Variants in EPM2A observed in about 807,000 individuals in gnomAD.
EPM2A encodes laforin.
Under a neutral mutation model 26.5 loss-of-function variants are expected in EPM2A, and 21 were observed. The ratio of observed to expected loss-of-function variants is 0.79; its 90% CI spans 0.56 to 1.14. The LOEUF (loss-of-function observed/expected upper bound fraction) is 1.14, where lower values mean the gene tolerates loss of function less well. EPM2A is among the 50% of genes most tolerant of loss of function. EPM2A has a pLI of 0.00. For missense variants in EPM2A, 458 were observed against 440.8 expected (o/e 1.04, Z -0.35); for synonymous variants, 217 against 177.6 (o/e 1.22, Z -1.76).
chr6:145,480,456 CA>C (rs1779600532), intron 4 of EPM2A, among the ~76,000 whole-genome samples: 2 of 152,080 alleles, frequency 1.3e-5, no homozygotes, highest in African/African-American at 2.4e-5. Context: ...GGTAGGAACA[CA>C]AACCCAAATC....
intron 4 of EPM2A, among the ~76,000 whole-genome samples, chr6:145,393,082 C>A (rs1405673975): frequency 6.6e-6 from 1 of 151,996 alleles, no homozygotes; most frequent in African/African-American, 2.4e-5. Flanking sequence ...TTTCAGGTCT[C>A]AATGAGACCT....
At chr6:145,414,970 C>T (rs994628598) in intron 4 of EPM2A, among the ~76,000 whole-genome samples, 1 of 152,056 alleles carries the variant, frequency 6.6e-6, no homozygotes, top group Non-Finnish European at 1.5e-5. Flanking sequence ...CTCACTTTTC[C>T]CCCCGTATCC....
chr6:145,628,177 A>C (rs1775969923), intron 3 of EPM2A: 1 of 182,040 alleles, frequency 5.5e-6, no homozygotes, highest in Admixed American at 5.4e-5. Flanking sequence ...CAATCTGTTC[A>C]TTCAACATAC....
chr6:145,570,910 CTG>C (rs1253608678), intron 2 of EPM2A, among the ~76,000 whole-genome samples: 2 of 152,194 alleles, frequency 1.3e-5, no homozygotes, highest in Admixed American at 1.3e-4. Flanking sequence ...CCAGCCAACA[CTG>C]TAACTCCCTT....
chr6:145,626,372 AT>A lies in EPM2A; in HGVS notation c.*1043del. Reference sequence around the variant, plus strand: ...GAAGCAATTATCCATGGATTTGGTCATTTGGGCTCTTTTGGTAGTATAGTTC... The same window carrying A: ...GAAGCAATTATCCATGGATTTGGTCATTGGGCTCTTTTGGTAGTATAGTTC... On this transcript the variant is annotated 3_prime_UTR_variant, in exon 4 of 4. Transcript: ENST00000367519. 1 of 986,026 alleles carries A rather than the reference AT, an allele frequency of 1.0e-6. No individual in the cohort carries two copies. Among genetic ancestry groups the A allele is most frequent in the Non-Finnish European group, 1.2e-6 (1 of 830,056 alleles). The allele number at this position is 986,026 out of a possible 1,614,324, so 61.1% of individuals were successfully genotyped here.
At chr6:145,580,176 A>G (rs976423275) in intron 2 of EPM2A, among the ~76,000 whole-genome samples, 1 of 152,168 alleles carries the variant, frequency 6.6e-6, no homozygotes, top group Non-Finnish European at 1.5e-5. Flanking sequence ...ATCTGGTATC[A>G]TTGACCTTCT....
At chr6:145,725,951 T>C (rs773043547) in intron 1 of EPM2A, among the ~76,000 whole-genome samples, 2 of 152,054 alleles carry the variant, frequency 1.3e-5, no homozygotes, top group Non-Finnish European at 2.9e-5. Flanking sequence ...TTTTGCCAGC[T>C]AAGAAGGCCT....
Position 145,644,447 on chromosome 6 carries a change from C to A in EPM2A, c.477-8961G>T, listed in dbSNP as rs536297138. On this transcript the variant is annotated intron_variant, in intron 2 of 3. Coordinates refer to ENST00000367519, the MANE Select transcript of EPM2A (RefSeq NM_005670.4). ...AATTGTGCTATATTTTGAAAAGCTG[C>A]ATAAGTTTTTTTTATATATGGATGC... Among the ~76,000 whole-genome samples, 3 of 152,096 alleles carry A rather than the reference C, an allele frequency of 2.0e-5. No individual in the cohort carries two copies. The South Asian group carries it at 6.2e-4, about 32-fold the overall frequency.
At chr6:145,387,098 G>A (rs911360761) in intron 4 of EPM2A, among the ~76,000 whole-genome samples, 1 of 152,068 alleles carries the variant, frequency 6.6e-6, no homozygotes, top group African/African-American at 2.4e-5. Flanking sequence ...CTCCAATGAA[G>A]TAACTGTTTC....
At chr6:145,579,244 G>A (rs1781080412) in intron 2 of EPM2A, among the ~76,000 whole-genome samples, 1 of 152,070 alleles carries the variant, frequency 6.6e-6, no homozygotes, top group African/African-American at 2.4e-5. Context: ...ACCCACATGG[G>A]TTGAGGACAA....
chr6:145,457,565 C>T (rs1308240972), intron 4 of EPM2A, among the ~76,000 whole-genome samples: 1 of 151,918 alleles, frequency 6.6e-6, no homozygotes, highest in East Asian at 1.9e-4. Context: ...CAGTGCATCT[C>T]TTTTGCATTC....
At chr6:145,708,854 C>T (rs1384918220) in intron 1 of EPM2A, among the ~76,000 whole-genome samples, 3 of 152,216 alleles carry the variant, frequency 2.0e-5, no homozygotes, top group African/African-American at 2.4e-5. Flanking sequence ...AAGACACAGA[C>T]ACTCAACAGC....
At chr6:145,666,150 A>G (rs1779168565) in intron 2 of EPM2A, among the ~76,000 whole-genome samples, 1 of 145,006 alleles carries the variant, frequency 6.9e-6, no homozygotes, top group Non-Finnish European at 1.5e-5. Context: ...ATAGTGTTGG[A>G]AGTTCTGGCC....
At chr6:145,558,785 A>G (rs190771974) in intron 2 of EPM2A, among the ~76,000 whole-genome samples, 1 of 149,546 alleles carries the variant, frequency 6.7e-6, no homozygotes, top group Admixed American at 6.6e-5. Flanking sequence ...AATGTTGTAG[A>G]TACGGTAACT....
chr6:145,668,928 A>T (rs987682540), intron 2 of EPM2A, among the ~76,000 whole-genome samples: 20 of 152,158 alleles, frequency 1.3e-4, no homozygotes, highest in African/African-American at 4.8e-4. Context: ...TTCTTTCATT[A>T]TACAAGGGAG....
chr6:145,707,889 G>A (rs1256088784), intron 1 of EPM2A, among the ~76,000 whole-genome samples: 1 of 152,178 alleles, frequency 6.6e-6, no homozygotes, highest in Non-Finnish European at 1.5e-5. Context: ...GGAACAGTTT[G>A]GAGGGCTCAG....
intron 2 of EPM2A, among the ~76,000 whole-genome samples, chr6:145,579,012 G>A (rs1053731707): frequency 6.6e-5 from 10 of 151,516 alleles, no homozygotes; most frequent in African/African-American, 2.2e-4. Context: ...GGGGTGGGGG[G>A]AATGGGGAGG....
downstream of EPM2A, among the ~76,000 whole-genome samples, chr6:145,621,169 C>T (rs895389897): frequency 6.6e-6 from 1 of 152,134 alleles, no homozygotes; most frequent in African/African-American, 2.4e-5. Flanking sequence ...TTAAAGATTC[C>T]ACATATAAAT....
intron 2 of EPM2A, among the ~76,000 whole-genome samples, chr6:145,599,327 C>T (rs6929254): frequency 0.067 from 10,210 of 151,824 alleles, 1,150 homozygotes; most frequent in African/African-American, 0.23. Context: ...TTCTGTGCTC[C>T]CTTTAGGTAA....
Sources: gnomAD v4.1 joint callset for allele counts (sites outside exome capture counted in the v4.1 genomes callset) on GRCh38, gnomAD v4.1.1 for gene constraint, MANE v1.5 for transcripts, NCBI Gene and HGNC (gene_info 2026-07-23, HGNC 2026-07-21) for gene names.